The following DHX36 variants were observed in gnomAD, a reference collection of about 807,000 sequenced individuals.
DHX36 encodes the protein DEAH-box helicase 36.
In DHX36, 50 loss-of-function variants were observed where a neutral mutation model predicts 139.0. The observed-to-expected ratio is 0.36, with a 90% confidence interval of 0.29 to 0.46. The LOEUF (loss-of-function observed/expected upper bound fraction) is 0.46, where lower values mean the gene tolerates loss of function less well. DHX36 is among the 20% of genes least tolerant of loss of function. The pLI is 1.00. For synonymous variants in DHX36, 425 were observed against 401.9 expected (o/e 1.06, Z -0.69); for missense variants, 1,024 against 1,211.3 (o/e 0.85, Z 2.29).
At position 154,288,968 on chromosome 3, in the gene DHX36, A is replaced by G. The variant is rs2108340846; in HGVS notation, c.1933-4T>C. 6.9e-7 allele frequency: 1 copy of G among 1,451,616 alleles called. No individual in the cohort carries two copies. The highest frequency in any genetic ancestry group is 9.4e-7 in the Non-Finnish European group (1 of 1,062,372). 89.9% of individuals were successfully genotyped at this position (1,451,616 alleles called of 1,614,324 possible). On this transcript the variant is annotated splice_region_variant and splice_polypyrimidine_tract_variant and intron_variant, in intron 16 of 24. Transcript: ENST00000496811. Reference sequence around the variant, plus strand: ...CAATTCCACCTAGCCTTAAAATCTAAGTGGGGGAGACAAATATTATTAAAT... The same window carrying G: ...CAATTCCACCTAGCCTTAAAATCTAGGTGGGGGAGACAAATATTATTAAAT...
intron 1 of DHX36, among the ~76,000 whole-genome samples, chr3:154,322,858 A>T (rs1258979857): frequency 6.6e-6 from 1 of 152,220 alleles, no homozygotes; most frequent in Non-Finnish European, 1.5e-5. Context: ...AGTTACTTAG[A>T]CGTCCGTATC....
chr3:154,284,085 CA>C (rs1719423677), intron 19 of DHX36, among the ~76,000 whole-genome samples: 2 of 152,214 alleles, frequency 1.3e-5, no homozygotes, highest in Non-Finnish European at 2.9e-5. Context: ...TGAACTATTA[CA>C]AAATTAAAAA....
At chr3:154,307,590 GCTA>G (rs1479766663) in intron 5 of DHX36, among the ~76,000 whole-genome samples, 1 of 151,972 alleles carries the variant, frequency 6.6e-6, no homozygotes, top group Admixed American at 6.6e-5. Flanking sequence ...AGTCAAAATG[GCTA>G]CTATTAAAGA....
In DHX36 at chr3:154,315,923, A is replaced by T. The variant is rs1288205164; in HGVS notation, c.368+116T>A. The T allele has an allele frequency of 2.4e-6, 3 of 1,254,692 alleles. No individual in the cohort carries two copies. The African/African-American group carries it at 4.6e-5, about 19-fold the overall frequency. The allele number at this position is 1,254,692 out of a possible 1,614,324, so 77.7% of individuals were successfully genotyped here. ...TTTTCTAAATCTGTTTAATCTACAT[A>T]AGGAAAAAAAGTACGTAAAGGTTAA... On this transcript the variant is annotated intron_variant, in intron 2 of 24. Coordinates refer to ENST00000496811, the MANE Select transcript of DHX36 (RefSeq NM_020865.3).
intron 1 of DHX36, among the ~76,000 whole-genome samples, chr3:154,318,090 T>C (rs1324580595): frequency 6.6e-6 from 1 of 152,122 alleles, no homozygotes; most frequent in African/African-American, 2.4e-5. Flanking sequence ...AGACAGGGTT[T>C]TGTAAGACAT....
intron 13 of DHX36, among the ~76,000 whole-genome samples, chr3:154,294,120 T>C (rs566392089): frequency 6.6e-6 from 1 of 152,204 alleles, no homozygotes; most frequent in East Asian, 1.9e-4. Flanking sequence ...GGTTATAAAG[T>C]AGAGGGAGGG....
chr3:154,315,970 A>G lies in DHX36; in HGVS notation c.368+69T>C, dbSNP rs146291803. On this transcript the variant is annotated intron_variant, in intron 2 of 24. Coordinates refer to ENST00000496811, the MANE Select transcript of DHX36 (RefSeq NM_020865.3). Reference sequence around the variant, plus strand: ...TTAAAATTCACTTATCGAAGAAAATAAAGATGTTATTTTTATTATTAAAGT... The same window carrying G: ...TTAAAATTCACTTATCGAAGAAAATGAAGATGTTATTTTTATTATTAAAGT... 12 of 1,499,044 alleles carry G rather than the reference A, an allele frequency of 8.0e-6. No individual in the cohort carries two copies. In the East Asian group the frequency reaches 1.4e-4, roughly 18 times the overall value. The allele number at this position is 1,499,044 out of a possible 1,614,324, so 92.9% of individuals were successfully genotyped here. A position where few individuals can be genotyped will look rare whatever the true frequency, so the allele number is the denominator to read the frequency against.
Position 154,276,692 on chromosome 3 carries a change from A to G in DHX36, c.2841+55T>C, listed in dbSNP as rs892897184. 10 of 1,554,780 alleles carry G rather than the reference A, an allele frequency of 6.4e-6. No homozygotes were observed. The East Asian group carries it at 1.3e-4, about 21-fold the overall frequency. Reference sequence around the variant, plus strand: ...TATTTAACAGTTAGAACAAAACCACATGACCACATGCTGACTTACATGTAG... The same window carrying G: ...TATTTAACAGTTAGAACAAAACCACGTGACCACATGCTGACTTACATGTAG... On this transcript the variant is annotated intron_variant, in intron 24 of 24. Transcript: ENST00000496811.
At chr3:154,313,329 G>C (rs528910826) in intron 3 of DHX36, among the ~76,000 whole-genome samples, 1 of 152,230 alleles carries the variant, frequency 6.6e-6, no homozygotes, top group South Asian at 2.1e-4. Context: ...GAAGATGTGA[G>C]ATAATTCAAC....
At chr3:154,294,413 T>C (rs1277955372) in intron 13 of DHX36, among the ~76,000 whole-genome samples, 1 of 152,186 alleles carries the variant, frequency 6.6e-6, no homozygotes, top group Non-Finnish European at 1.5e-5. Context: ...CAAAAACTTA[T>C]CCCTTCATTT....
intron 15 of DHX36, among the ~76,000 whole-genome samples, chr3:154,291,370 C>G (rs947405926): frequency 3.3e-5 from 5 of 152,082 alleles, no homozygotes; most frequent in Non-Finnish European, 7.3e-5. Flanking sequence ...AAATCTAAGG[C>G]TTAGTATGTT....
chr3:154,300,147 C>T (rs1373526800), intron 11 of DHX36, among the ~76,000 whole-genome samples: 1 of 152,072 alleles, frequency 6.6e-6, no homozygotes, highest in African/African-American at 2.4e-5. Flanking sequence ...CGGATCACTG[C>T]AGCATCTGCC....
At chr3:154,291,981 T>C (rs1469937002) in intron 15 of DHX36, among the ~76,000 whole-genome samples, 5 of 152,256 alleles carry the variant, frequency 3.3e-5, no homozygotes, top group African/African-American at 4.8e-5. Context: ...TGTGCTTTCA[T>C]TGAAAACTAC....
In DHX36 at chr3:154,276,184, C is replaced by T; in HGVS notation, c.3014G>A (p.Gly1005Glu). Residue 1005 changes from glycine to glutamate, a missense_variant, in exon 25 of 25, where the codon GGA (glycine) becomes GAA (glutamate). Gly to Glu is a moderately conservative substitution (Grantham distance 98). Transcript: ENST00000496811. ...PRNFPPRFQD[G>E]YYS ...CCTGAAAAGCTGTCAGCTGTAATATCCATCCTGGAATCGTGGCGGAAAGTT... is the reference window on the plus strand; with the variant it reads ...CCTGAAAAGCTGTCAGCTGTAATATTCATCCTGGAATCGTGGCGGAAAGTT... 1 of 1,611,352 alleles carries T rather than the reference C, an allele frequency of 6.2e-7. No homozygotes were observed. The highest frequency in any genetic ancestry group is 8.5e-7 in the Non-Finnish European group (1 of 1,179,168).
At chr3:154,296,330 T>C (rs1322917110) in intron 12 of DHX36, among the ~76,000 whole-genome samples, 1 of 151,950 alleles carries the variant, frequency 6.6e-6, no homozygotes, top group Admixed American at 6.6e-5. Flanking sequence ...AAAACTTAGC[T>C]GGGCGTGTTG....
At chr3:154,303,951 C>G (rs1325861223) in intron 8 of DHX36, among the ~76,000 whole-genome samples, 4 of 152,146 alleles carry the variant, frequency 2.6e-5, no homozygotes, top group Non-Finnish European at 5.9e-5. Context: ...GCAGTACACA[C>G]TGTAAAAAGC....
chr3:154,316,509 CAA>C (rs1386293142), intron 1 of DHX36, among the ~76,000 whole-genome samples: 1 of 151,914 alleles, frequency 6.6e-6, no homozygotes, highest in Non-Finnish European at 1.5e-5. Flanking sequence ...CTTAAAATTT[CAA>C]AGTTATTAAA....
At chr3:154,296,508 A>G (rs1292332014) in intron 12 of DHX36, among the ~76,000 whole-genome samples, 1 of 152,128 alleles carries the variant, frequency 6.6e-6, no homozygotes, top group Non-Finnish European at 1.5e-5. Context: ...AATACATTCC[A>G]AAAGTGACCC....
chr3:154,316,000 C>T (rs367676152), intron 2 of DHX36, 39 bp downstream of exon 2: 15 of 1,592,752 alleles, frequency 9.4e-6, no homozygotes, highest in South Asian at 1.1e-5. Flanking sequence ...TAAAGTGTTA[C>T]TCTTTGCCTA....
Sources: allele counts gnomAD v4.1 joint callset (sites outside exome capture counted in the v4.1 genomes callset), GRCh38; gene constraint gnomAD v4.1.1; transcripts MANE v1.5; gene names NCBI Gene and HGNC (gene_info 2026-07-23, HGNC 2026-07-21).